Variants in UBE2D4 observed in about 807,000 individuals in gnomAD.
UBE2D4 encodes the protein ubiquitin conjugating enzyme E2 D4.
Under a neutral mutation model 23.0 loss-of-function variants are expected in UBE2D4, and 17 were observed. The ratio of observed to expected loss-of-function variants is 0.74; its 90% CI spans 0.51 to 1.11. The LOEUF (loss-of-function observed/expected upper bound fraction) is 1.11. UBE2D4 is among the 50% of genes least tolerant of loss of function. The probability of loss-of-function intolerance (pLI) is 0.00; values close to 1 mark genes in which losing one functional copy is unlikely to be tolerated. For missense variants in UBE2D4, 139 were observed against 181.8 expected (o/e 0.76, Z 1.35); for synonymous variants, 61 against 69.4 (o/e 0.88, Z 0.60).
chr7:43,947,530 G>C (rs750798302), intron 4 of UBE2D4, among the ~76,000 whole-genome samples: 4 of 152,118 alleles, frequency 2.6e-5, no homozygotes, highest in Non-Finnish European at 4.4e-5. Flanking sequence ...CTTTTTTATG[G>C]CTGCATAGTA....
At chr7:43,942,878 G>C (rs527688138) in intron 3 of UBE2D4, 21 bp downstream of exon 3, 1 of 1,614,136 alleles carries the variant, frequency 6.2e-7, no homozygotes, top group South Asian at 1.1e-5. Context: ...GCTGCTGAGC[G>C]CACCACTCCA....
At chr7:43,937,709 A>C (rs1369237058) in intron 1 of UBE2D4, among the ~76,000 whole-genome samples, 1 of 152,218 alleles carries the variant, frequency 6.6e-6, no homozygotes, top group Non-Finnish European at 1.5e-5. Context: ...GGTTACTGAA[A>C]TGATCAGCAT....
chr7:43,952,240 G>A (rs1472087484), intron 6 of UBE2D4: 2 of 204,640 alleles, frequency 9.8e-6, no homozygotes, highest in Non-Finnish European at 2.0e-5. Context: ...TGCACACCCC[G>A]GTAGGCAGAT....
chr7:43,948,927 G>A (rs1332609392), intron 5 of UBE2D4, 190 bp downstream of exon 5: 11 of 555,462 alleles, frequency 2.0e-5, no homozygotes, highest in African/African-American at 3.8e-5. Flanking sequence ...TTTGTGCCCC[G>A]CTCCCTGGCG....
intron 1 of UBE2D4, among the ~76,000 whole-genome samples, chr7:43,933,928 C>G (rs1337017102): frequency 6.6e-6 from 1 of 152,144 alleles, no homozygotes; most frequent in Non-Finnish European, 1.5e-5. Flanking sequence ...CATGGCAGTT[C>G]ATTATGAGGT....
chr7:43,928,072 A>G (rs1400339229), intron 1 of UBE2D4: 2 of 454,506 alleles, frequency 4.4e-6, no homozygotes, highest in African/African-American at 4.0e-5. Context: ...GAAGCTTACA[A>G]TCATGGCAGA....
chr7:43,931,118 C>T (rs1251200871), intron 1 of UBE2D4, among the ~76,000 whole-genome samples: 1 of 146,274 alleles, frequency 6.8e-6, no homozygotes, highest in Non-Finnish European at 1.5e-5. Context: ...GAGACTCTGT[C>T]TCAAAAAAAA....
At chr7:43,945,051 G>A (rs2095982537) in intron 4 of UBE2D4, 1 of 152,046 alleles carries the variant, frequency 6.6e-6, no homozygotes, top group African/African-American at 2.4e-5. Flanking sequence ...GGAGTGCAGT[G>A]GCACAATCTC....
chr7:43,931,102 T>TA (rs1226164160), intron 1 of UBE2D4, among the ~76,000 whole-genome samples: 1 of 145,626 alleles, frequency 6.9e-6, no homozygotes, highest in East Asian at 2.0e-4. Flanking sequence ...GCCTGGGTGA[T>TA]AGAGTGAGAC....
At chr7:43,952,612 C>G (rs1397522951) in intron 6 of UBE2D4, 38 bp from the exon 7 acceptor site, 2 of 1,592,646 alleles carry the variant, frequency 1.3e-6, no homozygotes, top group Non-Finnish European at 1.7e-6. Context: ...GTGACCATTT[C>G]AAGTGAGGGT....
chr7:43,926,584 T>C (rs745423741), intron 1 of UBE2D4, 28 bp downstream of exon 1: 14 of 1,558,716 alleles, frequency 9.0e-6, no homozygotes, highest in Non-Finnish European at 1.1e-5. Context: ...CTCCAACTCT[T>C]TGGGTGTCCG....
At position 43,938,505 on chromosome 7, in the gene UBE2D4, T is replaced by TG. The variant is rs771228380; in HGVS notation, c.88+17dup. ...CTGTCGGTGATGACTGTAAGTATTTTGGGGGGCTTCAAGTTGTAGGAGCAT... is the reference window on the plus strand; with the variant it reads ...CTGTCGGTGATGACTGTAAGTATTTTGGGGGGGCTTCAAGTTGTAGGAGCAT... On this transcript the variant is annotated intron_variant, in intron 2 of 6. Coordinates refer to ENST00000222402, the MANE Select transcript of UBE2D4 (RefSeq NM_015983.4). The TG allele has an allele frequency of 6.2e-7, 1 of 1,613,806 alleles. No individual in the cohort carries two copies. Among genetic ancestry groups the TG allele is most frequent in the South Asian group, 1.1e-5 (1 of 91,060 alleles).
chr7:43,952,996 C>CACGT lies in UBE2D4; in HGVS notation c.*301_*302insACGT. ...GTTTGTCTGCTGGTCTCTTGGGGGGCCAGGCCCTGCACGTCTCTCCTACCC... is the reference window on the plus strand; with the variant it reads ...GTTTGTCTGCTGGTCTCTTGGGGGGCACGTCAGGCCCTGCACGTCTCTCCTACCC... On this transcript the variant is annotated 3_prime_UTR_variant, in exon 7 of 7. Coordinates refer to ENST00000222402, the MANE Select transcript of UBE2D4 (RefSeq NM_015983.4). 1 of 401,898 alleles carries CACGT rather than the reference C, an allele frequency of 2.5e-6. No homozygotes were observed. The highest frequency in any genetic ancestry group is 4.8e-6 in the Non-Finnish European group (1 of 207,596). The allele number at this position is 401,898 out of a possible 1,614,324, so 24.9% of individuals were successfully genotyped here.
At chr7:43,931,408 C>T (rs1329315929) in intron 1 of UBE2D4, among the ~76,000 whole-genome samples, 1 of 152,218 alleles carries the variant, frequency 6.6e-6, no homozygotes, top group African/African-American at 2.4e-5. Context: ...CGTGCCACTG[C>T]ACTCCAACCT....
intron 2 of UBE2D4, among the ~76,000 whole-genome samples, chr7:43,940,232 A>G (rs1562601465): frequency 6.6e-6 from 1 of 152,176 alleles, no homozygotes; most frequent in South Asian, 2.1e-4. Context: ...CCAGCTGCCT[A>G]TGCAGAGTGT....
chr7:43,948,042 T>C (rs1327113042), intron 4 of UBE2D4, among the ~76,000 whole-genome samples: 1 of 152,232 alleles, frequency 6.6e-6, no homozygotes, highest in Non-Finnish European at 1.5e-5. Context: ...TAGGGTTGTT[T>C]GATTTTTTCT....
At chr7:43,950,211 G>A (rs77199200) in intron 5 of UBE2D4, among the ~76,000 whole-genome samples, 2,959 of 152,270 alleles carry the variant, frequency 0.019, 64 homozygotes, top group Middle Eastern at 0.095. Context: ...CCTTGGACAA[G>A]TTACTTGAAT....
In UBE2D4 at chr7:43,953,378, A is replaced by G; in HGVS notation, c.*683A>G. On this transcript the variant is annotated 3_prime_UTR_variant, in exon 7 of 7. Transcript: ENST00000222402. ...AAGAGATGATTATGTTTTTAGAAGC[A>G]AGAGCAAAATTATGAAACCTCTAGA... 2.8e-6 allele frequency: 1 copy of G among 351,668 alleles called. No individual in the cohort carries two copies. The highest frequency in any genetic ancestry group is 5.6e-6 in the Non-Finnish European group (1 of 178,560). 21.8% of individuals were successfully genotyped at this position (351,668 alleles called of 1,614,324 possible). A position where few individuals can be genotyped will look rare whatever the true frequency, so the allele number is the denominator to read the frequency against.
At chr7:43,936,790 C>A (rs1034850076) in intron 1 of UBE2D4, among the ~76,000 whole-genome samples, 4 of 152,136 alleles carry the variant, frequency 2.6e-5, no homozygotes, top group Non-Finnish European at 4.4e-5. Flanking sequence ...ACAATAGTAC[C>A]GGCAAGTTGG....
Sources: allele counts gnomAD v4.1 joint callset (sites outside exome capture counted in the v4.1 genomes callset), GRCh38; gene constraint gnomAD v4.1.1; transcripts MANE v1.5; gene names NCBI Gene and HGNC (gene_info 2026-07-23, HGNC 2026-07-21).